STC2: variants seen among roughly 807,000 people sequenced by gnomAD.
The protein encoded by STC2 is stanniocalcin 2.
STC2 carries 7 observed loss-of-function variants against 22.7 expected under a neutral mutation model. The ratio of observed to expected loss-of-function variants is 0.31; its 90% confidence interval spans 0.18 to 0.58. The LOEUF is 0.58. Among genes scored for constraint, STC2 ranks in the 20% least tolerant of loss-of-function variants. STC2 has a pLI of 0.89. For synonymous variants in STC2, 158 were observed against 163.4 expected (o/e 0.97, Z 0.25); for missense variants, 336 against 406.2 (o/e 0.83, Z 1.48).
chr5:173,321,645 G>A (rs1208467840), intron 3 of STC2, among the ~76,000 whole-genome samples: 1 of 152,124 alleles, frequency 6.6e-6, no homozygotes, highest in Non-Finnish European at 1.5e-5. Flanking sequence ...CAGCAATTCC[G>A]AAGCTTAAAA....
At chr5:173,321,290 T>C (rs1007490675) in intron 3 of STC2, among the ~76,000 whole-genome samples, 7 of 152,170 alleles carry the variant, frequency 4.6e-5, no homozygotes, top group Admixed American at 2.6e-4. Context: ...CCAAGAAAGA[T>C]AGAATTCCTG....
chr5:173,327,161 C>T (rs1762557963), intron 1 of STC2, among the ~76,000 whole-genome samples: 1 of 152,252 alleles, frequency 6.6e-6, no homozygotes, highest in Admixed American at 6.5e-5. Context: ...GCCATTCACT[C>T]ACTTGGGGCG....
At chr5:173,327,722 A>C (rs918370436) in intron 1 of STC2, among the ~76,000 whole-genome samples, 6 of 152,184 alleles carry the variant, frequency 3.9e-5, no homozygotes, top group Admixed American at 2.6e-4. Context: ...CGCGCTTTGC[A>C]CCGGACCCGG....
At chr5:173,322,062 A>G (rs879695933) in intron 3 of STC2, among the ~76,000 whole-genome samples, 5 of 152,226 alleles carry the variant, frequency 3.3e-5, no homozygotes, top group African/African-American at 9.7e-5. Flanking sequence ...AAGAGACAGG[A>G]GGTGCTTGCT....
rs1378263900 is a variant in STC2 at position 173,328,356 on chromosome 5, A to T, written c.-163T>A. 1.9e-5 allele frequency: 13 copies of T among 679,516 alleles called. No homozygotes were observed. Among genetic ancestry groups the T allele is most frequent in the African/African-American group, 5.6e-5 (3 of 53,542 alleles). 42.1% of individuals were successfully genotyped at this position (679,516 alleles called of 1,614,324 possible). On this transcript the variant is annotated 5_prime_UTR_variant, in exon 1 of 4. Coordinates refer to ENST00000265087, the MANE Select transcript of STC2 (RefSeq NM_003714.3). ...GCCGCGGCTCGGATAGAGGTTACCC[A>T]GCGCCCTCCCGTAGCTCTCCGGAGA...
At position 173,325,934 on chromosome 5, in the gene STC2, A is replaced by G. The variant is rs779222160; in HGVS notation, c.228T>C (p.Cys76=). The change falls in exon 2 of 4, where the codon TGT becomes TGC. Residue 76 remains cysteine, a synonymous_variant. Transcript: ENST00000265087. This position sits in a 1 kb window ranked among gnomAD's most constrained non-coding sequence, Gnocchi z 4.7. The part of the protein sequence containing the change: ...GVFECFENNS[C]EIRGLHGICM... ...AAATCCCATGTAAGCCCCGAATCTCACAAGAGTTGTTCTCGAAACATTCAA... is the reference window on the plus strand; with the variant it reads ...AAATCCCATGTAAGCCCCGAATCTCGCAAGAGTTGTTCTCGAAACATTCAA... The G allele has an allele frequency of 1.2e-6, 2 of 1,614,204 alleles. No homozygotes were observed. Among genetic ancestry groups the G allele is most frequent in the Non-Finnish European group, 8.5e-7 (1 of 1,180,042 alleles).
chr5:173,328,134 G>C lies in STC2; in HGVS notation c.60C>G (p.Asp20Glu). 1 of 1,600,406 alleles carries C rather than the reference G, an allele frequency of 6.2e-7. No individual in the cohort carries two copies. The highest frequency in any genetic ancestry group is 2.3e-5 in the East Asian group (1 of 43,622). The change falls in exon 1 of 4, where the codon GAC (aspartate) becomes GAG (glutamate). Residue 20 changes from aspartate (D) to glutamate (E), a missense_variant. By Grantham distance (45) the Asp-to-Glu change is conservative. Transcript: ENST00000265087. ...TGGTGGCGTCGGTCCCCCGCGCCGG[G>C]TCAAAGGTGGCCAACACCAAAGCCA... The part of the protein sequence containing the change: ...MTLALVLATF[D>E]PARGTDATNP...
Position 173,323,397 on chromosome 5 carries a change from T to C in STC2, c.328A>G (p.Lys110Glu), listed in dbSNP as rs761755527. The change falls in exon 3 of 4, where the codon AAG becomes GAG. Residue 110 changes from lysine to glutamate, a missense_variant. Around this residue, in one of 3 missense-constraint regions of STC2, gnomAD observed 22 missense variants for 52.0 expected, o/e 0.42. Transcript: ENST00000265087. The surrounding 1 kb of genome is among the most constrained non-coding windows in gnomAD (Gnocchi z 5.4). Reference protein sequence around the residue: ...KSFIKDALKCKAHALRHRFGC... With the variant: ...KSFIKDALKCEAHALRHRFGC... ...AACCTGTGCCGCAGAGCGTGGGCCT[T>C]ACATTTCAAGGCGTCTTTGATGAAT... 1 of 1,613,638 alleles carries C rather than the reference T, an allele frequency of 6.2e-7. No homozygotes were observed. The highest frequency in any genetic ancestry group is 1.7e-5 in the Admixed American group (1 of 59,956).
chr5:173,328,114 G>T lies in STC2; in HGVS notation c.80C>A (p.Ala27Asp). ...TTGGGGACCCTCGGGTGGGTTGGTG[G>T]CGTCGGTCCCCCGCGCCGGGTCAAA... Reference protein sequence around the residue: ...ATFDPARGTDATNPPEGPQDR... With the variant: ...ATFDPARGTDDTNPPEGPQDR... The change falls in exon 1 of 4, where the codon GCC (alanine) becomes GAC (aspartate). Residue 27 changes from alanine to aspartate, a missense_variant. Around this residue, in one of 3 missense-constraint regions of STC2, gnomAD observed 99 missense variants for 122.7 expected, o/e 0.81. Transcript: ENST00000265087. 3 of 1,602,222 alleles carry T rather than the reference G, an allele frequency of 1.9e-6. No homozygotes were observed. Among genetic ancestry groups the T allele is most frequent in the Non-Finnish European group, 2.6e-6 (3 of 1,174,454 alleles).
At chr5:173,319,737 G>A (rs930989410) in intron 3 of STC2, among the ~76,000 whole-genome samples, 1 of 152,226 alleles carries the variant, frequency 6.6e-6, no homozygotes, top group African/African-American at 2.4e-5. Context: ...AAGCTTCTGG[G>A]CTTCAGGGCC....
chr5:173,318,975 G>T (rs923192961), intron 3 of STC2, among the ~76,000 whole-genome samples: 3 of 152,234 alleles, frequency 2.0e-5, no homozygotes, highest in African/African-American at 7.2e-5. Context: ...AGGCTGGGGA[G>T]TAGGTGTGGC....
intron 1 of STC2, among the ~76,000 whole-genome samples, chr5:173,327,085 C>T (rs1362619008): frequency 1.3e-5 from 2 of 151,836 alleles, no homozygotes; most frequent in African/African-American, 2.4e-5. Context: ...GGTGCCGGCC[C>T]CAGCATGTGG....
At chr5:173,318,933 G>A (rs558740394) in intron 3 of STC2, among the ~76,000 whole-genome samples, 35 of 152,342 alleles carry the variant, frequency 2.3e-4, no homozygotes, top group South Asian at 1.9e-3. Context: ...GTCATTGCCC[G>A]TGCATGCAGT....
Position 173,318,086 on chromosome 5 carries a change from C to CG in STC2, c.669dup (p.Glu224ArgfsTer29), listed in dbSNP as rs760095741. The CG allele has an allele frequency of 1.9e-6, 3 of 1,606,628 alleles. No individual in the cohort carries two copies. Among genetic ancestry groups the CG allele is most frequent in the African/African-American group, 1.3e-5 (1 of 74,456 alleles). On this transcript the variant is annotated frameshift_variant, in exon 4 of 4. Coordinates refer to ENST00000265087, the MANE Select transcript of STC2 (RefSeq NM_003714.3). LOFTEE classifies it low-confidence loss of function (END_TRUNC). ...GTTCTGTCCACCTGGGGCTGGCGCT[C>CG]GGGGGGCGCCGTGGGAGGCTTCTGG...
rs534267520 is a variant in STC2, at chr5:173,316,659, T to A, written c.*1188A>T. 7 of 152,264 alleles carry A rather than the reference T, an allele frequency of 4.6e-5. No homozygotes were observed. In the South Asian group the frequency reaches 1.5e-3, roughly 32 times the overall value. The allele number at this position is 152,264 out of a possible 1,614,324, so 9.4% of individuals were successfully genotyped here. On this transcript the variant is annotated 3_prime_UTR_variant, in exon 4 of 4. Transcript: ENST00000265087. ...CCTGTCCCTTAGAGATTTTCAGCAG[T>A]CTCCTTGATTTTATGTAAAAGGTCA...
In STC2 at chr5:173,328,325, C is replaced by T; in HGVS notation, c.-132G>A. ...CTTTTTGCTCGCCTTTTCCCTCCTCCTCGCGGCCGCGGCTCGGATAGAGGT... is the reference window on the plus strand; with the variant it reads ...CTTTTTGCTCGCCTTTTCCCTCCTCTTCGCGGCCGCGGCTCGGATAGAGGT... On this transcript the variant is annotated 5_prime_UTR_variant, in exon 1 of 4. Coordinates refer to ENST00000265087, the MANE Select transcript of STC2 (RefSeq NM_003714.3). 1 of 1,059,700 alleles carries T rather than the reference C, an allele frequency of 9.4e-7. No individual in the cohort carries two copies. Among genetic ancestry groups the T allele is most frequent in the Non-Finnish European group, 1.3e-6 (1 of 789,672 alleles). 65.6% of individuals were successfully genotyped at this position (1,059,700 alleles called of 1,614,324 possible).
At chr5:173,327,886 C>T (rs1762570210) in intron 1 of STC2, among the ~76,000 whole-genome samples, 157 bp downstream of exon 1, 1 of 152,230 alleles carries the variant, frequency 6.6e-6, no homozygotes, top group Non-Finnish European at 1.5e-5. Context: ...CGGACCTCGC[C>T]TTGCCTCGCG....
At chr5:173,321,372 A>G (rs1762483750) in intron 3 of STC2, among the ~76,000 whole-genome samples, 1 of 152,156 alleles carries the variant, frequency 6.6e-6, no homozygotes, top group Non-Finnish European at 1.5e-5. Context: ...TGAGGCCAGC[A>G]AACTCTCTCT....
Position 173,323,554 on chromosome 5 carries a change from C to G in STC2, c.295-124G>C, listed in dbSNP as rs1473061730. 1.1e-6 allele frequency: 1 copy of G among 951,358 alleles called. No individual in the cohort carries two copies. The highest frequency in any genetic ancestry group is 1.6e-6 in the Non-Finnish European group (1 of 633,968). 58.9% of individuals were successfully genotyped at this position (951,358 alleles called of 1,614,324 possible). A position where few individuals can be genotyped will look rare whatever the true frequency, so the allele number is the denominator to read the frequency against. Reference sequence around the variant, plus strand: ...ATTTCTGACATCAGAACCCCAAGGCCCCACCAGAGACGGACGTCCTCCCAG... The same window carrying G: ...ATTTCTGACATCAGAACCCCAAGGCGCCACCAGAGACGGACGTCCTCCCAG... On this transcript the variant is annotated intron_variant, in intron 2 of 3. Coordinates refer to ENST00000265087, the MANE Select transcript of STC2 (RefSeq NM_003714.3). This position sits in a 1 kb window ranked among gnomAD's most constrained non-coding sequence, Gnocchi z 5.4.
Sources: gnomAD v4.1 joint callset for allele counts (sites outside exome capture counted in the v4.1 genomes callset) on GRCh38, gnomAD v4.1.1 for gene constraint, gnomAD v4.1.1 regional missense constraint, Gnocchi (gnomAD v3.1) non-coding constraint, MANE v1.5 for transcripts, NCBI Gene and HGNC (gene_info 2026-07-23, HGNC 2026-07-21) for gene names.